The following TOM1L2 variants were observed in gnomAD, a reference collection of about 807,000 sequenced individuals.
The protein encoded by TOM1L2 is TOM1-like protein 2.
TOM1L2 carries 31 observed loss-of-function variants against 67.9 expected under a neutral mutation model. That is an observed-to-expected ratio of 0.46 (90% CI 0.34 to 0.62). TOM1L2 has a LOEUF of 0.62. Among genes scored for constraint, TOM1L2 ranks in the 20% least tolerant of loss-of-function variants. The pLI is 0.01. For missense variants in TOM1L2, 606 were observed against 663.5 expected, an observed-to-expected ratio of 0.91 and a Z score of 0.95; for synonymous variants, 256 against 254.0, an observed-to-expected ratio of 1.01 and a Z score of -0.07.
chr17:17,967,125 CAACT>C (rs1269515246), intron 1 of TOM1L2, among the ~76,000 whole-genome samples: 3 of 152,184 alleles, frequency 2.0e-5, no homozygotes, highest in Middle Eastern at 3.2e-3. Flanking sequence ...ATCTGAGGGA[CAACT>C]AACTATTCTT....
At chr17:17,887,383 G>A (rs2038052391) in intron 4 of TOM1L2, among the ~76,000 whole-genome samples, 1 of 152,194 alleles carries the variant, frequency 6.6e-6, no homozygotes, top group South Asian at 2.1e-4. Context: ...GCAGCTCTGG[G>A]TGTCTCTCAT....
chr17:17,857,799 G>T, intron 12 of TOM1L2: 2 of 1,535,632 alleles, frequency 1.3e-6, no homozygotes, highest in Non-Finnish European at 1.7e-6. Flanking sequence ...AGCTGTCTAT[G>T]GGCTCCAGGT....
At chr17:17,880,739 A>T (rs1285947497) in intron 6 of TOM1L2, among the ~76,000 whole-genome samples, 1 of 152,170 alleles carries the variant, frequency 6.6e-6, no homozygotes, top group Non-Finnish European at 1.5e-5. Context: ...GAAAGGTGGC[A>T]CTAACCTCAC....
intron 2 of TOM1L2, among the ~76,000 whole-genome samples, chr17:17,902,382 ATT>A (rs1382006132): frequency 6.6e-6 from 1 of 152,228 alleles, no homozygotes; most frequent in Non-Finnish European, 1.5e-5. Flanking sequence ...ACAGCCTCCC[ATT>A]GGTAAAGTAT....
At chr17:17,885,129 G>A (rs1045054355) in intron 4 of TOM1L2, among the ~76,000 whole-genome samples, 1 of 152,272 alleles carries the variant, frequency 6.6e-6, no homozygotes, top group Non-Finnish European at 1.5e-5. Context: ...TGCAGGGAGT[G>A]GAAGCTGGAG....
intron 1 of TOM1L2, among the ~76,000 whole-genome samples, chr17:17,940,285 A>G (rs972402711): frequency 2.0e-5 from 3 of 151,888 alleles, no homozygotes; most frequent in Non-Finnish European, 4.4e-5. Context: ...TCAAGCACTG[A>G]TAAGAGTGGC....
At chr17:17,899,824 C>T (rs1358703751) in intron 2 of TOM1L2, among the ~76,000 whole-genome samples, 1 of 152,194 alleles carries the variant, frequency 6.6e-6, no homozygotes, top group African/African-American at 2.4e-5. Flanking sequence ...AGTTTTAAAA[C>T]ATTTATACTC....
chr17:17,948,719 G>T (rs970226408), intron 1 of TOM1L2, among the ~76,000 whole-genome samples: 1 of 152,072 alleles, frequency 6.6e-6, no homozygotes, highest in Non-Finnish European at 1.5e-5. Context: ...GAGCAGCCCT[G>T]TGGCTCTGCC....
intron 12 of TOM1L2, among the ~76,000 whole-genome samples, chr17:17,854,506 T>A (rs975422265): frequency 2.0e-5 from 3 of 151,860 alleles, no homozygotes; most frequent in Non-Finnish European, 4.4e-5. Flanking sequence ...TTTTTATTTA[T>A]TTATTTAGTT....
chr17:17,860,622 T>A (rs899733265), intron 12 of TOM1L2, among the ~76,000 whole-genome samples: 1 of 152,210 alleles, frequency 6.6e-6, no homozygotes, highest in Non-Finnish European at 1.5e-5. Context: ...CACTGCCCTC[T>A]CTAGCCCAGC....
chr17:17,877,418 C>T (rs554036850), intron 7 of TOM1L2, among the ~76,000 whole-genome samples: 1 of 152,304 alleles, frequency 6.6e-6, no homozygotes, highest in East Asian at 1.9e-4. Context: ...ACTCTGGCTG[C>T]CCTCCAGCTT....
chr17:17,946,274 T>C (rs1349188217), intron 1 of TOM1L2, among the ~76,000 whole-genome samples: 2 of 112,254 alleles, frequency 1.8e-5, no homozygotes, highest in Non-Finnish European at 3.5e-5. Flanking sequence ...TTAGTACATA[T>C]ATTCACAGAG....
At position 17,963,916 on chromosome 17, in the gene TOM1L2, G is replaced by A. The variant is rs146860871; in HGVS notation, c.52+8346C>T. 1.8e-3 allele frequency among the ~76,000 whole-genome samples: 271 copies of A among 152,280 alleles called. 1 individual carries two copies. Among genetic ancestry groups the A allele is most frequent in the African/African-American group, 5.6e-3 (233 of 41,550 alleles). On this transcript the variant is annotated intron_variant, in intron 1 of 14. Transcript: ENST00000379504. ...TTTAAGCACATTATCTCATTTAATC[G>A]TCACAAAAACCTGGAGGACAAGTAA...
At chr17:17,902,559 T>C (rs1404041376) in intron 2 of TOM1L2, among the ~76,000 whole-genome samples, 1 of 152,154 alleles carries the variant, frequency 6.6e-6, no homozygotes, top group Non-Finnish European at 1.5e-5. Flanking sequence ...GTCACTACCA[T>C]ATAGAACTGT....
At chr17:17,877,877 T>TAA (rs750845304) in intron 7 of TOM1L2, among the ~76,000 whole-genome samples, 1 of 142,940 alleles carries the variant, frequency 7.0e-6, no homozygotes, top group Admixed American at 7.0e-5. Flanking sequence ...TGGGCTTGTT[T>TAA]AAAAAAAAAA....
chr17:17,857,476 C>T (rs1020815058), intron 12 of TOM1L2, among the ~76,000 whole-genome samples: 12 of 152,084 alleles, frequency 7.9e-5, no homozygotes, highest in Non-Finnish European at 1.6e-4. Flanking sequence ...GAATACTGCT[C>T]GGAGCTCCGG....
chr17:17,887,041 G>T (rs774590511), intron 4 of TOM1L2, among the ~76,000 whole-genome samples: 1 of 152,238 alleles, frequency 6.6e-6, no homozygotes, highest in African/African-American at 2.4e-5. Context: ...AGGTGCAGGC[G>T]TACAGGAGAG....
At chr17:17,907,133 A>T (rs1452313476) in intron 2 of TOM1L2, among the ~76,000 whole-genome samples, 2 of 152,216 alleles carry the variant, frequency 1.3e-5, no homozygotes, top group African/African-American at 4.8e-5. Context: ...GGGAGGGACG[A>T]GGTGACACTT....
chr17:17,899,789 T>TA (rs2038755104), intron 2 of TOM1L2, among the ~76,000 whole-genome samples: 1 of 152,240 alleles, frequency 6.6e-6, no homozygotes, highest in Non-Finnish European at 1.5e-5. Context: ...GCACGTTTGT[T>TA]AAGTCAGGGA....
Sources: gnomAD v4.1 joint callset for allele counts (sites outside exome capture counted in the v4.1 genomes callset) on GRCh38, gnomAD v4.1.1 for gene constraint, MANE v1.5 for transcripts, NCBI Gene and HGNC (gene_info 2026-07-23, HGNC 2026-07-21) for gene names.